The following PPHLN1 variants were observed in gnomAD, a reference collection of about 807,000 sequenced individuals.
PPHLN1 encodes periphilin-1.
A neutral mutation model predicts 51.3 loss-of-function variants in PPHLN1; 29 were observed. The ratio of observed to expected loss-of-function variants is 0.57; its 90% CI spans 0.42 to 0.77. The LOEUF (loss-of-function observed/expected upper bound fraction) is 0.77. Ranked by LOEUF, PPHLN1 falls within the 30% of genes least tolerant of loss-of-function variation. PPHLN1 has a pLI of 0.00. For synonymous variants in PPHLN1, 147 were observed against 147.8 expected, an observed-to-expected ratio of 0.99 and a Z score of 0.04; for missense variants, 436 against 438.4, an observed-to-expected ratio of 0.99 and a Z score of 0.05.
At chr12:42,430,223 C>T (rs777436935) in intron 9 of PPHLN1, among the ~76,000 whole-genome samples, 1 of 151,908 alleles carries the variant, frequency 6.6e-6, no homozygotes, top group Non-Finnish European at 1.5e-5. Context: ...GATGGGTCTT[C>T]GATTTTAGCT....
intron 2 of PPHLN1, among the ~76,000 whole-genome samples, chr12:42,342,993 C>G (rs2071716661): frequency 6.6e-6 from 1 of 152,120 alleles, no homozygotes; most frequent in Non-Finnish European, 1.5e-5. Flanking sequence ...AAATCCAGAA[C>G]ATGATTTTGT....
At chr12:42,442,483 A>C (rs1441100529), downstream of PPHLN1, among the ~76,000 whole-genome samples, 5 of 152,186 alleles carry the variant, frequency 3.3e-5, no homozygotes, top group Non-Finnish European at 5.9e-5. Flanking sequence ...TGTTGGCTTC[A>C]GGCCTTTGGC....
At chr12:42,341,916 C>A (rs2071567538) in intron 2 of PPHLN1, among the ~76,000 whole-genome samples, 1 of 152,174 alleles carries the variant, frequency 6.6e-6, no homozygotes, top group East Asian at 1.9e-4. Flanking sequence ...CCATCGCGCC[C>A]AGGCGCTTTT....
rs566785025 is a variant in PPHLN1 at position 42,388,096 on chromosome 12, G to A, written c.648+561G>A. Among the ~76,000 whole-genome samples, 27 of 152,310 alleles carry A rather than the reference G, an allele frequency of 1.8e-4. 1 individual carries two copies. The highest frequency in any genetic ancestry group is 5.8e-4 in the African/African-American group (24 of 41,570). On this transcript the variant is annotated intron_variant, in intron 7 of 9. Coordinates refer to ENST00000358314, the MANE Select transcript of PPHLN1 (RefSeq NM_201439.2). The stretch of plus-strand genomic sequence containing the variant: ...GTGACAGTCTGAAATATGGCCTTGT[G>A]GGATGAGAATGACCTGACCATCCCC...
At chr12:42,357,328 A>C (rs1467669932) in intron 4 of PPHLN1, among the ~76,000 whole-genome samples, 2 of 152,334 alleles carry the variant, frequency 1.3e-5, no homozygotes, top group East Asian at 3.9e-4. Flanking sequence ...AAATGGCAAA[A>C]ATGCCTTGAA....
intron 2 of PPHLN1, among the ~76,000 whole-genome samples, chr12:42,338,003 C>T (rs1274296776): frequency 6.6e-6 from 1 of 151,990 alleles, no homozygotes; most frequent in Non-Finnish European, 1.5e-5. Flanking sequence ...AGGCCGGTCT[C>T]GAATTCCTGA....
At chr12:42,362,776 G>A (rs982553528) in intron 4 of PPHLN1, among the ~76,000 whole-genome samples, 10 of 152,176 alleles carry the variant, frequency 6.6e-5, no homozygotes, top group African/African-American at 2.4e-4. Flanking sequence ...GCTCCCAGTT[G>A]TTAGGAGAGA....
At chr12:42,434,401 T>G (rs2082303138) in intron 9 of PPHLN1, among the ~76,000 whole-genome samples, 1 of 152,206 alleles carries the variant, frequency 6.6e-6, no homozygotes, top group African/African-American at 2.4e-5. Context: ...ATGGTATTTG[T>G]AAGTAAAGCA....
chr12:42,337,248 GT>G (rs1252361536), intron 2 of PPHLN1, among the ~76,000 whole-genome samples: 32 of 137,802 alleles, frequency 2.3e-4, no homozygotes, highest in African/African-American at 4.8e-4. Context: ...GAATTGTTCT[GT>G]TTTTTTTTTT....
chr12:42,420,182 G>A (rs2080858987), intron 9 of PPHLN1, among the ~76,000 whole-genome samples: 1 of 152,050 alleles, frequency 6.6e-6, no homozygotes, highest in Non-Finnish European at 1.5e-5. Context: ...CTACACAATG[G>A]ACTGAAAATT....
At chr12:42,411,302 G>A (rs1435884111) in intron 9 of PPHLN1, among the ~76,000 whole-genome samples, 2 of 150,022 alleles carry the variant, frequency 1.3e-5, no homozygotes, top group Admixed American at 6.7e-5. Context: ...TAGTTATTTG[G>A]ATGAATTGTA....
At chr12:42,360,417 A>ATAGGTT (rs2074519174) in intron 4 of PPHLN1, among the ~76,000 whole-genome samples, 1 of 120,786 alleles carries the variant, frequency 8.3e-6, no homozygotes, top group Non-Finnish European at 1.7e-5. Context: ...GGTCTAGGTT[A>ATAGGTT]TAGGTTTTTG....
downstream of PPHLN1, chr12:42,445,186 C>G (rs1328995102): frequency 1.4e-6 from 1 of 698,786 alleles, no homozygotes; most frequent in Admixed American, 2.0e-5. Flanking sequence ...CTGCCTGACC[C>G]ACTGGCTTAT....
intron 8 of PPHLN1, among the ~76,000 whole-genome samples, chr12:42,396,517 A>G (rs1405017550): frequency 1.3e-5 from 2 of 148,862 alleles, no homozygotes; most frequent in East Asian, 4.1e-4. Flanking sequence ...TGTTTGAAGG[A>G]TATTAGAATG....
At chr12:42,411,517 C>G (rs1162023851) in intron 9 of PPHLN1, among the ~76,000 whole-genome samples, 3 of 152,102 alleles carry the variant, frequency 2.0e-5, no homozygotes, top group Non-Finnish European at 4.4e-5. Flanking sequence ...TAACAAAAAA[C>G]AAAAGAAACT....
At chr12:42,345,475 A>AAATGGTG (rs1330033693) in intron 2 of PPHLN1, among the ~76,000 whole-genome samples, 1 of 151,974 alleles carries the variant, frequency 6.6e-6, no homozygotes, top group Non-Finnish European at 1.5e-5. Flanking sequence ...TGATCATACC[A>AAATGGTG]TTAATACTAA....
In PPHLN1 at chr12:42,352,066, C is replaced by T. The variant is rs752049702; in HGVS notation, c.237+17C>T. The T allele has an allele frequency of 1.4e-6, 2 of 1,432,686 alleles. No individual in the cohort carries two copies. Among genetic ancestry groups the T allele is most frequent in the Admixed American group, 2.8e-5 (1 of 35,588 alleles). The allele number at this position is 1,432,686 out of a possible 1,614,324, so 88.7% of individuals were successfully genotyped here. On this transcript the variant is annotated intron_variant, in intron 3 of 9. Coordinates refer to ENST00000358314, the MANE Select transcript of PPHLN1 (RefSeq NM_201439.2). ...CACAGAGGAGTATGTAAATTTCCCC[C>T]ATGTACTAATTGTTATTTCTTATAA...
chr12:42,414,286 C>T (rs1428887562), intron 9 of PPHLN1, among the ~76,000 whole-genome samples: 2 of 152,134 alleles, frequency 1.3e-5, no homozygotes, highest in Non-Finnish European at 1.5e-5. Context: ...CCACCAGCCT[C>T]GGCCTCCCAA....
chr12:42,384,778 G>A (rs191072562), intron 5 of PPHLN1, among the ~76,000 whole-genome samples, 162 bp from the exon 6 acceptor site: 1 of 152,234 alleles, frequency 6.6e-6, no homozygotes, highest in East Asian at 1.9e-4. Flanking sequence ...ACTGGTGATT[G>A]CTCAGGCAGC....
Sources: gnomAD v4.1 joint callset for allele counts (sites outside exome capture counted in the v4.1 genomes callset) on GRCh38, gnomAD v4.1.1 for gene constraint, MANE v1.5 for transcripts, NCBI Gene and HGNC (gene_info 2026-07-23, HGNC 2026-07-21) for gene names.